Variants in TENM3 observed in about 807,000 individuals in gnomAD.
TENM3 encodes teneurin transmembrane protein 3, also known as teneurin-3.
A neutral mutation model predicts 255.1 loss-of-function variants in TENM3; 63 were observed. That is an observed-to-expected ratio of 0.25 (90% CI 0.20 to 0.30). The LOEUF is 0.30. TENM3 is among the 10% of genes least tolerant of loss of function. TENM3 has a pLI of 1.00. For missense variants in TENM3, 2,929 were observed against 3,461.1 expected, an observed-to-expected ratio of 0.85 and a Z score of 3.86; for synonymous variants, 1,306 against 1,322.3, an observed-to-expected ratio of 0.99 and a Z score of 0.27.
At chr4:181,748,998 G>C in the TENM3 span, among the ~76,000 whole-genome samples, 4 of 151,968 alleles carry the variant, frequency 2.6e-5, no homozygotes, top group Non-Finnish European at 5.9e-5. Context: ...TTATTATAAT[G>C]GTATAAGATC....
the TENM3 span, among the ~76,000 whole-genome samples, chr4:181,652,163 A>AAAT: frequency 6.7e-6 from 1 of 150,206 alleles, no homozygotes; most frequent in Non-Finnish European, 1.5e-5. Context: ...AAAAAAAAAA[A>AAAT]AATCCACTCA....
At chr4:182,376,088 T>A (rs1273954212) in intron 3 of TENM3, among the ~76,000 whole-genome samples, 3 of 152,214 alleles carry the variant, frequency 2.0e-5, no homozygotes, top group Admixed American at 6.5e-5. Context: ...ATTTTCCTAA[T>A]CTTGAGTACT....
the TENM3 span, among the ~76,000 whole-genome samples, chr4:181,832,282 A>T: frequency 1.7e-3 from 252 of 152,264 alleles, 1 homozygote; most frequent in African/African-American, 5.8e-3. Flanking sequence ...ATGAAATAGG[A>T]GACTTGCAAT....
chr4:182,583,166 A>G (rs1429667744), intron 3 of TENM3, among the ~76,000 whole-genome samples: 4 of 152,222 alleles, frequency 2.6e-5, no homozygotes, highest in Admixed American at 6.5e-5. Context: ...TCAGCTGTGG[A>G]GATCTGGCCC....
chr4:181,678,972 C>A, the TENM3 span, among the ~76,000 whole-genome samples: 5 of 152,024 alleles, frequency 3.3e-5, no homozygotes, highest in African/African-American at 9.7e-5. Context: ...TATTCCAACA[C>A]GTCTGTTAAA....
intron 1 of TENM3, among the ~76,000 whole-genome samples, chr4:182,209,978 G>A (rs1157827421): frequency 2.6e-5 from 4 of 151,910 alleles, no homozygotes; most frequent in Non-Finnish European, 4.4e-5. Context: ...AGGTGTCTCC[G>A]CAGCTGTGGT....
the TENM3 span, among the ~76,000 whole-genome samples, chr4:181,949,200 T>C: frequency 1.3e-5 from 2 of 152,190 alleles, no homozygotes; most frequent in South Asian, 2.1e-4. Context: ...AGAATGTATA[T>C]ATGGGTAACC....
the TENM3 span, among the ~76,000 whole-genome samples, chr4:181,562,863 C>T: frequency 6.6e-6 from 1 of 152,004 alleles, no homozygotes; most frequent in Non-Finnish European, 1.5e-5. Context: ...TTAGTATAGG[C>T]GGGGTTTCAC....
chr4:182,397,435 CAA>C (rs1438854443), intron 3 of TENM3, among the ~76,000 whole-genome samples: 8 of 94,450 alleles, frequency 8.5e-5, no homozygotes, highest in Non-Finnish European at 1.4e-4. Context: ...AAAAATCAAA[CAA>C]GAGGTAATGG....
At chr4:181,461,242 T>C in the TENM3 span, among the ~76,000 whole-genome samples, 2 of 152,130 alleles carry the variant, frequency 1.3e-5, no homozygotes. Context: ...GCAAAGTCTA[T>C]TGTAATTCTT....
intron 3 of TENM3, among the ~76,000 whole-genome samples, chr4:182,459,799 A>T (rs6830998): frequency 2.0e-5 from 3 of 152,022 alleles, no homozygotes; most frequent in Non-Finnish European, 2.9e-5. Flanking sequence ...ACTGATTAAT[A>T]CTTGAGTTTT....
intron 7 of TENM3, among the ~76,000 whole-genome samples, chr4:182,678,978 G>A (rs916013631): frequency 1.2e-4 from 19 of 152,228 alleles, no homozygotes; most frequent in African/African-American, 3.1e-4. Flanking sequence ...ACCAAACGCC[G>A]CATGTTCTCA....
the TENM3 span, among the ~76,000 whole-genome samples, chr4:181,622,431 T>C: frequency 6.6e-5 from 10 of 152,146 alleles, no homozygotes; most frequent in Non-Finnish European, 1.2e-4. Context: ...ATACCAGCAC[T>C]TTGGGAGGCT....
At chr4:181,467,417 G>A in the TENM3 span, among the ~76,000 whole-genome samples, 1 of 151,352 alleles carries the variant, frequency 6.6e-6, no homozygotes, top group Admixed American at 6.6e-5. Flanking sequence ...TTACAGATGT[G>A]AGCCACCGCA....
At chr4:181,915,194 G>A in the TENM3 span, among the ~76,000 whole-genome samples, 14 of 152,236 alleles carry the variant, frequency 9.2e-5, no homozygotes, top group South Asian at 2.9e-3. Context: ...AAGCCAGAAG[G>A]CTGCTTACAT....
intron 4 of TENM3, among the ~76,000 whole-genome samples, chr4:182,619,154 G>A (rs1014134947): frequency 2.6e-5 from 4 of 152,146 alleles, no homozygotes; most frequent in Non-Finnish European, 4.4e-5. Context: ...AAGGCCAGGT[G>A]TGGTGGCTCA....
chr4:181,773,158 G>C, the TENM3 span, among the ~76,000 whole-genome samples: 8,469 of 152,110 alleles, frequency 0.056, 248 homozygotes, highest in Middle Eastern at 0.13. Flanking sequence ...TCTTCTTCAG[G>C]TTAAGTCTCA....
chr4:182,061,052 T>G, the TENM3 span, among the ~76,000 whole-genome samples: 2 of 152,182 alleles, frequency 1.3e-5, no homozygotes, highest in African/African-American at 4.8e-5. Flanking sequence ...AGGTTGCACA[T>G]ACGTGATTCA....
At chr4:181,460,122 C>T in the TENM3 span, among the ~76,000 whole-genome samples, 14 of 151,836 alleles carry the variant, frequency 9.2e-5, no homozygotes, top group Non-Finnish European at 1.8e-4. Flanking sequence ...TATATTGTCA[C>T]AAATACATAG....
Sources: gnomAD v4.1 joint callset for allele counts (sites outside exome capture counted in the v4.1 genomes callset) on GRCh38, gnomAD v4.1.1 for gene constraint, MANE v1.5 for transcripts, NCBI Gene and HGNC (gene_info 2026-07-23, HGNC 2026-07-21) for gene names.